Variants in CCNL2 observed in about 807,000 individuals in gnomAD.
CCNL2 encodes the protein cyclin L2.
CCNL2 carries 28 observed loss-of-function variants against 59.1 expected under a neutral mutation model. The ratio of observed to expected loss-of-function variants is 0.47; its 90% CI spans 0.35 to 0.65. The LOEUF (loss-of-function observed/expected upper bound fraction) is 0.65. Ranked by LOEUF, CCNL2 falls within the 30% of genes least tolerant of loss-of-function variation. CCNL2 has a pLI of 0.00. For synonymous variants in CCNL2, 342 were observed against 288.6 expected (o/e 1.19, Z -1.88); for missense variants, 714 against 717.4 (o/e 1.00, Z 0.05).
chr1:1,398,314 G>A lies in CCNL2; in HGVS notation c.392C>T (p.Ala131Val). Residue 131 changes from alanine to valine, a missense_variant, in exon 3 of 11, where the codon GCT (alanine) becomes GTT (valine). Ala to Val is a moderately conservative substitution (Grantham distance 64, BLOSUM62 0). Around this residue, in one of 5 missense-constraint regions of CCNL2, gnomAD observed 270 missense variants for 254.9 expected, o/e 1.06. Transcript: ENST00000400809. The stretch of plus-strand genomic sequence containing the variant: ...TCTTGGGGCCTCTTCTATCTTGGAA[G>A]CCAGGTGGACACAGGCCATTGACAC... ...EHVSMACVHL[A>V]SKIEEAPRRI... is the part of the protein sequence containing the mutation. 1 of 1,614,198 alleles carries A rather than the reference G, an allele frequency of 6.2e-7. No homozygotes were observed. Among genetic ancestry groups the A allele is most frequent in the Non-Finnish European group, 8.5e-7 (1 of 1,180,022 alleles).
Position 1,399,157 on chromosome 1 carries a change from C to A in CCNL2, c.150G>T (p.Glu50Asp). 2 of 1,612,156 alleles carry A rather than the reference C, an allele frequency of 1.2e-6. No homozygotes were observed. The highest frequency in any genetic ancestry group is 1.7e-6 in the Non-Finnish European group (2 of 1,179,508). ...RLYSGVLITL[E>D]NCLLPDDKLR... ...GCTTGTCGTCAGGCAGGAGGCAGTT[C>A]TCCAAGGTGATGAGCACCCCGGAGT... Residue 50 changes from glutamate to aspartate, a missense_variant, in exon 1 of 11, where the codon GAG becomes GAT. Glu to Asp is a conservative substitution (Grantham distance 45, BLOSUM62 2). Coordinates refer to ENST00000400809, the MANE Select transcript of CCNL2 (RefSeq NM_030937.6).
chr1:1,387,463 C>T lies in CCNL2; in HGVS notation c.1331G>A (p.Arg444Gln), dbSNP rs745818611. The T allele has an allele frequency of 8.7e-6, 14 of 1,612,484 alleles. No homozygotes were observed. The highest frequency in any genetic ancestry group is 5.0e-5 in the Admixed American group (3 of 59,868). ...GCAGTCCTTGGACTTCCGGGAGCCC[C>T]GAATCTCAGAGCCTTTGTAGGGAGC... ...RSAPYKGSEIRGSRKSKDCKY... is the reference protein window; with the variant it reads ...RSAPYKGSEIQGSRKSKDCKY... Residue 444 changes from arginine to glutamine, a missense_variant, in exon 11 of 11, where the codon CGG (arginine) becomes CAG (glutamine). By Grantham distance (43) the Arg-to-Gln change is conservative. Transcript: ENST00000400809.
rs1284821270 is a variant in CCNL2, at chr1:1,399,009, G to T, written c.288+10C>A. 1 of 1,587,960 alleles carries T rather than the reference G, an allele frequency of 6.3e-7. No individual in the cohort carries two copies. The highest frequency in any genetic ancestry group is 1.8e-5 in the Admixed American group (1 of 57,096). On this transcript the variant is annotated intron_variant, in intron 1 of 10. Transcript: ENST00000400809. ...TTACCTGGGCCGGAGGCTCGCGGCC[G>T]CGCCCTCACCTGCGGCAGGCGGAGC...
chr1:1,391,121 A>G (rs1644741113), intron 5 of CCNL2: 2 of 1,260,168 alleles, frequency 1.6e-6, no homozygotes, highest in Non-Finnish European at 2.0e-6. Flanking sequence ...AATGTCAGAC[A>G]ATACGTGTTG....
In CCNL2 at chr1:1,390,847, G is replaced by A; in HGVS notation, c.678C>T (p.Ser226=). The change falls in exon 6 of 11, where the codon AGC becomes AGT. Residue 226 remains serine, a synonymous_variant. Transcript: ENST00000400809. ...VQTSWNYMND[S]LRTDVFVRFQ... is the part of the protein sequence containing the mutation. ...ACCGCACGAAGACGTCGGTGCGAAG[G>A]CTGTCGTTCATGTAATTCCTGGAAG... 1 of 1,614,098 alleles carries A rather than the reference G, an allele frequency of 6.2e-7. No homozygotes were observed. Among genetic ancestry groups the A allele is most frequent in the Non-Finnish European group, 8.5e-7 (1 of 1,179,982 alleles).
rs1469229698 is a variant in CCNL2 at position 1,392,653 on chromosome 1, C to T, written c.659+743G>A. 18 of 1,490,632 alleles carry T rather than the reference C, an allele frequency of 1.2e-5. 1 individual carries two copies. In the Admixed American group the frequency reaches 1.5e-4, roughly 13 times the overall value. The allele number at this position is 1,490,632 out of a possible 1,614,324, so 92.3% of individuals were successfully genotyped here. A position where few individuals can be genotyped will look rare whatever the true frequency, so the allele number is the denominator to read the frequency against. ...ATCGTCAGAGAACCACAGCAGGAGT[C>T]GGCCATGGCTATGCTATGTGCGTAC... is the stretch of plus-strand genomic sequence containing the variant. On this transcript the variant is annotated intron_variant, in intron 5 of 10. Transcript: ENST00000400809.
intron 3 of CCNL2, among the ~76,000 whole-genome samples, chr1:1,395,766 C>T (rs146144234): frequency 3.7e-4 from 56 of 152,244 alleles, no homozygotes; most frequent in Non-Finnish European, 7.2e-4. Flanking sequence ...AAGCATAGAC[C>T]GAACATAGCA....
chr1:1,398,583 G>A lies in CCNL2; in HGVS notation c.363+14C>T, dbSNP rs1157754912. 2 of 1,612,148 alleles carry A rather than the reference G, an allele frequency of 1.2e-6. No individual in the cohort carries two copies. The highest frequency in any genetic ancestry group is 1.3e-5 in the African/African-American group (1 of 74,914). On this transcript the variant is annotated intron_variant, in intron 2 of 10. Transcript: ENST00000400809. Reference sequence around the variant, plus strand: ...CATACTTCGCTGGGAATGAAGTGCAGGAGGAAGCCTTACCTCCATGGAGTG... The same window carrying A: ...CATACTTCGCTGGGAATGAAGTGCAAGAGGAAGCCTTACCTCCATGGAGTG...
At chr1:1,395,235 G>T in intron 4 of CCNL2, 159 bp downstream of exon 4, 1 of 670,326 alleles carries the variant, frequency 1.5e-6, no homozygotes. Context: ...AGACGAATAC[G>T]TCAGGAACTA....
intron 5 of CCNL2, chr1:1,392,669 A>T: frequency 6.5e-7 from 1 of 1,534,532 alleles, no homozygotes; most frequent in Non-Finnish European, 8.8e-7. Flanking sequence ...TGGCTATGCT[A>T]TGTGCGTACC....
rs199518657 is a variant in CCNL2, at chr1:1,398,215, C to T, written c.473+18G>A. 3 of 1,612,272 alleles carry T rather than the reference C, an allele frequency of 1.9e-6. No homozygotes were observed. The highest frequency in any genetic ancestry group is 2.7e-5 in the African/African-American group (2 of 74,900). ...AAATAGGCATCTATGATAGACTAGA[C>T]AGCTCTGACTGACTCACTTTTTGTC... On this transcript the variant is annotated intron_variant, in intron 3 of 10. Coordinates refer to ENST00000400809, the MANE Select transcript of CCNL2 (RefSeq NM_030937.6).
chr1:1,394,915 G>A (rs1004779018), intron 4 of CCNL2, among the ~76,000 whole-genome samples: 4 of 152,226 alleles, frequency 2.6e-5, no homozygotes, highest in Admixed American at 6.5e-5. Context: ...AAATCAGCTC[G>A]GCGTGGTGGC....
chr1:1,397,839 T>G (rs1645127233), intron 3 of CCNL2, among the ~76,000 whole-genome samples: 1 of 152,202 alleles, frequency 6.6e-6, no homozygotes. Flanking sequence ...CACTCTGCCC[T>G]GGACAACAGG....
At position 1,386,851 on chromosome 1, in the gene CCNL2, C is replaced by T. The variant is rs1018076797; in HGVS notation, c.*380G>A. On this transcript the variant is annotated 3_prime_UTR_variant, in exon 11 of 11. Coordinates refer to ENST00000400809, the MANE Select transcript of CCNL2 (RefSeq NM_030937.6). ...AGGTTCTAAAAATCATCTTTCTTGG[C>T]TTCACGTAATTGAGTATCAGTCGGG... 8 of 207,998 alleles carry T rather than the reference C, an allele frequency of 3.8e-5. No homozygotes were observed. Among genetic ancestry groups the T allele is most frequent in the African/African-American group, 1.6e-4 (7 of 43,148 alleles). 12.9% of individuals were successfully genotyped at this position (207,998 alleles called of 1,614,324 possible).
At chr1:1,388,822 T>C in intron 8 of CCNL2, 2 of 359,850 alleles carry the variant, frequency 5.6e-6, no homozygotes, top group South Asian at 4.2e-5. Flanking sequence ...CCACCTGTAA[T>C]CCCAGCACTT....
intron 5 of CCNL2, 77 bp from the exon 6 acceptor site, chr1:1,390,942 A>C (rs1644731902): frequency 8.1e-7 from 1 of 1,235,914 alleles, no homozygotes; most frequent in African/African-American, 1.5e-5. Context: ...TCTAGAGAAA[A>C]TCTAGATAAA....
intron 3 of CCNL2, among the ~76,000 whole-genome samples, chr1:1,397,578 C>G (rs776187364): frequency 8.9e-4 from 135 of 152,258 alleles, no homozygotes; most frequent in Non-Finnish European, 1.2e-3. Context: ...TAAAGATTAC[C>G]CAGCCAGATG....
Position 1,388,075 on chromosome 1 carries a change from G to T in CCNL2, c.1007-10C>A, listed in dbSNP as rs767330903. 4 of 1,606,846 alleles carry T rather than the reference G, an allele frequency of 2.5e-6. No individual in the cohort carries two copies. In the Admixed American group the frequency reaches 5.0e-5, roughly 20 times the overall value. The stretch of plus-strand genomic sequence containing the variant: ...TCTTTGGGGGATTCCACTAGAATCA[G>T]AACAAGAGGTTAAAAGCCAACCACA... On this transcript the variant is annotated splice_polypyrimidine_tract_variant and intron_variant, in intron 8 of 10. Coordinates refer to ENST00000400809, the MANE Select transcript of CCNL2 (RefSeq NM_030937.6).
intron 8 of CCNL2, chr1:1,389,573 G>C (rs1644653349): frequency 6.6e-6 from 1 of 152,240 alleles, no homozygotes; most frequent in African/African-American, 2.4e-5. Context: ...AGCACTCTGG[G>C]ACGCTGAGGC....
Sources: gnomAD v4.1 joint callset for allele counts (sites outside exome capture counted in the v4.1 genomes callset) on GRCh38, gnomAD v4.1.1 for gene constraint, gnomAD v4.1.1 regional missense constraint, MANE v1.5 for transcripts, NCBI Gene and HGNC (gene_info 2026-07-23, HGNC 2026-07-21) for gene names.